STOM: variants seen among roughly 807,000 people sequenced by gnomAD.
STOM encodes erythrocyte band 7 integral membrane protein.
A neutral mutation model predicts 30.6 loss-of-function variants in STOM; 25 were observed. The ratio of observed to expected loss-of-function variants is 0.82; its 90% CI spans 0.60 to 1.14. STOM has a LOEUF of 1.14. STOM is among the 50% of genes most tolerant of loss of function. The pLI is 0.00. For missense variants in STOM, 292 were observed against 365.2 expected (o/e 0.80, Z 1.63); for synonymous variants, 118 against 130.8 (o/e 0.90, Z 0.67).
In STOM at chr9:121,348,143, G is replaced by A. The variant is rs1339693857; in HGVS notation, c.532C>T (p.Leu178=). The change falls in exon 6 of 7, where the codon CTG becomes TTG. Residue 178 remains leucine, a synonymous_variant. Transcript: ENST00000286713. ...CCCCAGGCATCAGTGGCATCATCCA[G>A]AGTAGACTGTTAGGAAGAGAGAAGG... is the stretch of plus-strand genomic sequence containing the variant. ...EEIAHNMQST[L]DDATDAWGIK... 1.9e-6 allele frequency: 3 copies of A among 1,614,052 alleles called. No individual in the cohort carries two copies. The highest frequency in any genetic ancestry group is 1.7e-6 in the Non-Finnish European group (2 of 1,180,018).
Position 121,353,092 on chromosome 9 carries a change from AAAAC to A in STOM, c.321+124_321+127del, listed in dbSNP as rs369715891. ...TGGGTGACAGAGCAAGATTCCAATT[AAAAC>A]AAACAAACAAACAAACAAAAATTTA... On this transcript the variant is annotated intron_variant, in intron 4 of 6. Transcript: ENST00000286713. 754 of 429,960 alleles carry A rather than the reference AAAAC, an allele frequency of 1.8e-3. 2 individuals carry two copies. The highest frequency in any genetic ancestry group is 0.012 in the African/African-American group (563 of 47,982). The allele number at this position is 429,960 out of a possible 1,614,324, so 26.6% of individuals were successfully genotyped here.
chr9:121,367,469 T>A lies in STOM; in HGVS notation c.61+2658A>T, dbSNP rs572491224. ...TGACCACTGATGGAATAACTCAGAT[T>A]AATTATTGAAGAAGTTACAAAGTTC... On this transcript the variant is annotated intron_variant, in intron 1 of 6. Transcript: ENST00000286713. Among the ~76,000 whole-genome samples the A allele has an allele frequency of 2.0e-5, 3 of 152,314 alleles. No individual in the cohort carries two copies. The East Asian group carries it at 5.8e-4, about 29-fold the overall frequency.
chr9:121,354,772 C>T, intron 2 of STOM, 99 bp from the exon 3 acceptor site: 1 of 821,536 alleles, frequency 1.2e-6, no homozygotes. Flanking sequence ...AGATTAGATG[C>T]CTCATCTTTT....
At chr9:121,355,631 C>T (rs1423283836) in intron 2 of STOM, among the ~76,000 whole-genome samples, 3 of 152,118 alleles carry the variant, frequency 2.0e-5, no homozygotes, top group African/African-American at 7.2e-5. Flanking sequence ...TACATTTAGA[C>T]ACATAATTCA....
At position 121,362,435 on chromosome 9, in the gene STOM, GATTA is replaced by G. The variant is rs145938932; in HGVS notation, c.62-6283_62-6280del. 2.7e-3 allele frequency among the ~76,000 whole-genome samples: 411 copies of G among 152,076 alleles called. 1 individual carries two copies. Among genetic ancestry groups the G allele is most frequent in the African/African-American group, 8.8e-3 (367 of 41,480 alleles). On this transcript the variant is annotated intron_variant, in intron 1 of 6. Transcript: ENST00000286713. ...GCACATATTCTTTATCATTATTAAA[GATTA>G]ATTAATTAATTCCATTTTATATGAT...
At position 121,357,424 on chromosome 9, in the gene STOM, G is replaced by GATATATATATATATATATATATATATAT. The variant is rs1156937416; in HGVS notation, c.62-1269_62-1268insATATATATATATATATATATATATATAT. On this transcript the variant is annotated intron_variant, in intron 1 of 6. Coordinates refer to ENST00000286713, the MANE Select transcript of STOM (RefSeq NM_004099.6). ...TAGTGTACACACCATATTTTTAAAT[G>GATATATATATATATATATATATATATAT]ATATATATATATATATTTATTTATT... Among the ~76,000 whole-genome samples, 506 of 94,936 alleles carry GATATATATATATATATATATATATATAT rather than the reference G, an allele frequency of 5.3e-3. 30 individuals carry two copies. The highest frequency in any genetic ancestry group is 0.011 in the South Asian group (21 of 1,936). 62.3% of individuals were successfully genotyped at this position (94,936 alleles called of 152,430 possible).
rs538191484 is a variant in STOM, at chr9:121,341,351, C to T, written c.718G>A (p.Val240Ile). ...AGGGCTGCAGGAGATTCAGTGATGA[C>T]CATGGAGGCTTCTTTCAGAGCCCTG... Reference protein sequence around the residue: ...ASRALKEASMVITESPAALQL... With the variant: ...ASRALKEASMIITESPAALQL... The change falls in exon 7 of 7, where the codon GTC becomes ATC. Residue 240 changes from valine to isoleucine, a missense_variant. Val to Ile is a conservative substitution (Grantham distance 29). Transcript: ENST00000286713. 6.2e-7 allele frequency: 1 copy of T among 1,614,046 alleles called. No homozygotes were observed. Among genetic ancestry groups the T allele is most frequent in the African/African-American group, 1.3e-5 (1 of 75,042 alleles).
chr9:121,339,781 T>C lies in STOM; in HGVS notation c.*1421A>G, dbSNP rs2064230057. 8.2e-7 allele frequency: 1 copy of C among 1,220,120 alleles called. No homozygotes were observed. Among genetic ancestry groups the C allele is most frequent in the African/African-American group, 1.6e-5 (1 of 64,120 alleles). The allele number at this position is 1,220,120 out of a possible 1,614,324, so 75.6% of individuals were successfully genotyped here. The stretch of plus-strand genomic sequence containing the variant: ...TTGTCCAGAGGAGCTGACCAGTTCC[T>C]CTTTCAGCATCAATATACATGATAG... On this transcript the variant is annotated 3_prime_UTR_variant, in exon 7 of 7. Coordinates refer to ENST00000286713, the MANE Select transcript of STOM (RefSeq NM_004099.6).
intron 1 of STOM, among the ~76,000 whole-genome samples, chr9:121,367,502 T>A (rs777917577): frequency 2.0e-5 from 3 of 152,246 alleles, no homozygotes; most frequent in Non-Finnish European, 2.9e-5. Context: ...TTCTCTCCAA[T>A]CTGATTGGCT....
At chr9:121,353,623 A>G (rs1159903760) in intron 3 of STOM, among the ~76,000 whole-genome samples, 5 of 152,006 alleles carry the variant, frequency 3.3e-5, no homozygotes, top group Non-Finnish European at 4.4e-5. Flanking sequence ...CTATTTCCTA[A>G]GCTGCAAGCC....
rs2134051981 is a variant in STOM, at chr9:121,369,769, A to T, written c.61+358T>A. The T allele has an allele frequency of 1.1e-5, 3 of 272,702 alleles. No individual in the cohort carries two copies. In the East Asian group the frequency reaches 2.0e-4, roughly 18 times the overall value. The allele number at this position is 272,702 out of a possible 1,614,324, so 16.9% of individuals were successfully genotyped here. ...AGAAGGGGAGTGGGCAAAGGGTGAG[A>T]TGTGGGGTCCCGGTCCCCGCCTCGC... is the stretch of plus-strand genomic sequence containing the variant. On this transcript the variant is annotated intron_variant, in intron 1 of 6. Transcript: ENST00000286713.
intron 1 of STOM, among the ~76,000 whole-genome samples, chr9:121,363,043 C>A (rs1045770600): frequency 5.3e-5 from 8 of 152,130 alleles, no homozygotes; most frequent in Non-Finnish European, 1.0e-4. Flanking sequence ...TTGTAAAGTT[C>A]AACAGATAAC....
intron 6 of STOM, among the ~76,000 whole-genome samples, chr9:121,341,764 C>T (rs1004831754): frequency 3.9e-5 from 6 of 152,182 alleles, no homozygotes; most frequent in Non-Finnish European, 7.4e-5. Context: ...TTCCAATTCT[C>T]TGATGAGTAC....
chr9:121,356,275 G>T (rs2064389665), intron 1 of STOM, 119 bp from the exon 2 acceptor site: 2 of 748,428 alleles, frequency 2.7e-6, no homozygotes, highest in East Asian at 5.5e-5. Flanking sequence ...TGTTTTACAT[G>T]AATTTCCCCA....
chr9:121,340,326 C>G lies in STOM; in HGVS notation c.*876G>C, dbSNP rs568602015. On this transcript the variant is annotated 3_prime_UTR_variant, in exon 7 of 7. Coordinates refer to ENST00000286713, the MANE Select transcript of STOM (RefSeq NM_004099.6). ...GAGTAATCTTTTTCATTAGTCTTGG[C>G]TATTTCCTCTAGTTCTGACAAGTAC... 6.1e-6 allele frequency: 6 copies of G among 985,398 alleles called. No homozygotes were observed. The African/African-American group carries it at 1.0e-4, about 17-fold the overall frequency. The allele number at this position is 985,398 out of a possible 1,614,324, so 61.0% of individuals were successfully genotyped here.
At position 121,348,154 on chromosome 9, in the gene STOM, T is replaced by G; in HGVS notation, c.526-5A>C. 1 of 1,614,078 alleles carries G rather than the reference T, an allele frequency of 6.2e-7. No homozygotes were observed. Among genetic ancestry groups the G allele is most frequent in the Admixed American group, 1.7e-5 (1 of 60,014 alleles). ...AGTGGCATCATCCAGAGTAGACTGT[T>G]AGGAAGAGAGAAGGCAAGCTAAATC... On this transcript the variant is annotated splice_polypyrimidine_tract_variant and splice_region_variant and intron_variant, in intron 5 of 6. Transcript: ENST00000286713.
intron 6 of STOM, among the ~76,000 whole-genome samples, chr9:121,342,199 A>G (rs2134020217): frequency 6.6e-6 from 1 of 152,192 alleles, no homozygotes; most frequent in East Asian, 1.9e-4. Context: ...GCAAAACCCT[A>G]TCTCTACTAA....
chr9:121,361,747 G>C (rs1214183126), intron 1 of STOM, among the ~76,000 whole-genome samples: 1 of 152,114 alleles, frequency 6.6e-6, no homozygotes, highest in Non-Finnish European at 1.5e-5. Flanking sequence ...TATGATACTT[G>C]GTTGTAAATA....
chr9:121,369,991 G>C, intron 1 of STOM, 136 bp downstream of exon 1: 1 of 782,756 alleles, frequency 1.3e-6, no homozygotes, highest in South Asian at 1.7e-5. Flanking sequence ...GTTTACTAGG[G>C]AGGAGCCGCG....
Sources: gnomAD v4.1 joint callset for allele counts (sites outside exome capture counted in the v4.1 genomes callset) on GRCh38, gnomAD v4.1.1 for gene constraint, MANE v1.5 for transcripts, NCBI Gene and HGNC (gene_info 2026-07-23, HGNC 2026-07-21) for gene names.